The following KRT79 variants were observed in gnomAD, a reference collection of about 807,000 sequenced individuals.
KRT79 encodes the protein keratin 79, also known as keratin, type II cytoskeletal 79.
A neutral mutation model predicts 49.0 loss-of-function variants in KRT79; 51 were observed. That is an observed-to-expected ratio of 1.04 (90% confidence interval 0.83 to 1.31). The LOEUF (loss-of-function observed/expected upper bound fraction) is 1.31, where lower values mean the gene tolerates loss of function less well. KRT79 is among the 40% of genes most tolerant of loss of function. KRT79 has a pLI of 0.00. For missense variants in KRT79, 728 were observed against 688.0 expected (o/e 1.06, Z -0.65); for synonymous variants, 312 against 286.6 (o/e 1.09, Z -0.90).
intron 1 of KRT79, 106 bp downstream of exon 1, chr12:52,833,678 A>G (rs552244397): frequency 6.6e-6 from 6 of 914,708 alleles, no homozygotes; most frequent in South Asian, 4.3e-5. Flanking sequence ...TCTATCAACC[A>G]CCACCCTAGT....
At chr12:52,830,372 C>G in intron 2 of KRT79, 80 bp from the exon 3 acceptor site, 2 of 1,198,282 alleles carry the variant, frequency 1.7e-6, no homozygotes, top group South Asian at 2.4e-5. Flanking sequence ...CTTACAGAAG[C>G]CCTGATGGGT....
intron 4 of KRT79, among the ~76,000 whole-genome samples, chr12:52,828,572 C>T (rs1399114831): frequency 6.6e-6 from 1 of 152,196 alleles, no homozygotes; most frequent in Admixed American, 6.5e-5. Context: ...ACCACAGTGG[C>T]ATTTCATAGG....
intron 2 of KRT79, 146 bp from the exon 3 acceptor site, chr12:52,830,438 G>C: frequency 1.6e-6 from 1 of 643,462 alleles, no homozygotes; most frequent in Non-Finnish European, 2.8e-6. Flanking sequence ...GCCAACCAGT[G>C]AAGAAACATG....
intron 2 of KRT79, 114 bp from the exon 3 acceptor site, chr12:52,830,406 T>C (rs1940235959): frequency 1.2e-6 from 1 of 804,672 alleles, no homozygotes; most frequent in Non-Finnish European, 2.1e-6. Context: ...AGAACACCTC[T>C]GGGGAGCAGT....
Position 52,821,613 on chromosome 12 carries a change from CA to C in KRT79, c.*258del. ...AGAAATTCAGCCTCCTCTCGGTGGT[CA>C]AAAGGTCACCCCCAAGTCACCCAAG... On this transcript the variant is annotated 3_prime_UTR_variant, in exon 9 of 9. Transcript: ENST00000330553. 1 of 494,326 alleles carries C rather than the reference CA, an allele frequency of 2.0e-6. No individual in the cohort carries two copies. The highest frequency in any genetic ancestry group is 3.5e-5 in the Admixed American group (1 of 28,240). 30.6% of individuals were successfully genotyped at this position (494,326 alleles called of 1,614,324 possible). A position where few individuals can be genotyped will look rare whatever the true frequency, so the allele number is the denominator to read the frequency against.
chr12:52,825,869 G>A (rs780474148), intron 4 of KRT79, among the ~76,000 whole-genome samples: 27 of 152,092 alleles, frequency 1.8e-4, no homozygotes, highest in Non-Finnish European at 3.4e-4. Context: ...TCTGTAACAC[G>A]GCCTGATCAT....
At position 52,824,268 on chromosome 12, in the gene KRT79, T is replaced by G. The variant is rs754096310; in HGVS notation, c.950A>C (p.Glu317Ala). 6.2e-7 allele frequency: 1 copy of G among 1,614,228 alleles called. No individual in the cohort carries two copies. The highest frequency in any genetic ancestry group is 1.1e-5 in the South Asian group (1 of 91,082). ...RNLDLDSIIA[E>A]VKAQYELIAQ... is the part of the protein sequence containing the mutation. ...AATCAGCTCATACTGGGCCTTGACC[T>G]CGGCGATGATGCTGTCCAGGTCCAG... Residue 317 changes from glutamate to alanine, a missense_variant, in exon 5 of 9, where the codon GAG (glutamate) becomes GCG (alanine). By Grantham distance (107) the Glu-to-Ala change is moderately radical (BLOSUM62 -1). Coordinates refer to ENST00000330553, the MANE Select transcript of KRT79 (RefSeq NM_175834.3).
At position 52,834,184 on chromosome 12, in the gene KRT79, C is replaced by A. The variant is rs1940302548; in HGVS notation, c.77G>T (p.Gly26Val). ...GCTGAAGCTGGTGCGGGCCTGGGAC[C>A]CACTCCCTCCGCTGGCAGAGTTGGA... ...FSSNSASGGS[G>V]SQARTSFSSV... is the part of the protein sequence containing the mutation. The change falls in exon 1 of 9, where the codon GGG becomes GTG. Residue 26 changes from glycine to valine, a missense_variant. Transcript: ENST00000330553. 6 of 1,613,818 alleles carry A rather than the reference C, an allele frequency of 3.7e-6. No individual in the cohort carries two copies. Among genetic ancestry groups the A allele is most frequent in the Non-Finnish European group, 8.5e-7 (1 of 1,179,976 alleles).
chr12:52,825,419 T>A (rs936169044), intron 4 of KRT79, among the ~76,000 whole-genome samples: 1 of 152,172 alleles, frequency 6.6e-6, no homozygotes, highest in Non-Finnish European at 1.5e-5. Context: ...TCAGGCTCTG[T>A]GTTAGGCATG....
chr12:52,822,131 G>C, intron 8 of KRT79, 54 bp from the exon 9 acceptor site: 1 of 1,566,960 alleles, frequency 6.4e-7, no homozygotes, highest in Non-Finnish European at 8.8e-7. Context: ...AGAGGGCTGG[G>C]GGAGACCCAG....
Position 52,831,575 on chromosome 12 carries a change from G to A in KRT79, c.529C>T (p.Leu177=). 6.2e-7 allele frequency: 1 copy of A among 1,614,260 alleles called. No individual in the cohort carries two copies. Among genetic ancestry groups the A allele is most frequent in the Non-Finnish European group, 8.5e-7 (1 of 1,180,046 alleles). The change falls in exon 2 of 9, where the codon CTG becomes TTG. Residue 177 remains leucine, a synonymous_variant. Transcript: ENST00000330553. ...CCCAAGTTCTGGCCCTGCTCCTGCA[G>A]CAGTGCCCACTTGGTCTCCAGCACC... ...NKVLETKWAL[L]QEQGQNLGVT...
At position 52,823,901 on chromosome 12, in the gene KRT79, C is replaced by T; in HGVS notation, c.1132G>A (p.Ala378Thr). 1 of 1,613,534 alleles carries T rather than the reference C, an allele frequency of 6.2e-7. No individual in the cohort carries two copies. Among genetic ancestry groups the T allele is most frequent in the Non-Finnish European group, 8.5e-7 (1 of 1,179,916 alleles). Residue 378 changes from alanine to threonine, a missense_variant, in exon 6 of 9, where the codon GCA (alanine) becomes ACA (threonine). By Grantham distance (58) the Ala-to-Thr change is moderately conservative. Coordinates refer to ENST00000330553, the MANE Select transcript of KRT79 (RefSeq NM_175834.3). ...TIQRLQGEAD[A>T]AKKQCQQLQT... ...TAGAGTCCCACCTGCTTCTTGGCTG[C>T]ATCAGCCTCCCCCTGCAGCCTCTGG...
At chr12:52,825,379 C>T (rs1238693505) in intron 4 of KRT79, among the ~76,000 whole-genome samples, 2 of 152,198 alleles carry the variant, frequency 1.3e-5, no homozygotes, top group East Asian at 3.8e-4. Context: ...ATAATAATAA[C>T]AACCCTCGCA....
rs79857898 is a variant in KRT79, at chr12:52,824,434, A to G, written c.856-72T>C. The G allele has an allele frequency of 6.8e-4, 1,020 of 1,496,174 alleles. 10 individuals are homozygous for G. The African/African-American group carries it at 0.011, about 17-fold the overall frequency. 92.7% of individuals were successfully genotyped at this position (1,496,174 alleles called of 1,614,324 possible). On this transcript the variant is annotated intron_variant, in intron 4 of 8. Transcript: ENST00000330553. The stretch of plus-strand genomic sequence containing the variant: ...CAGGAAGCATCAGAGGGTGAAGGAC[A>G]TGGGCCCCCAGGTAGCATCAGGAGG...
At chr12:52,829,792 TC>T (rs1940224899) in intron 4 of KRT79, among the ~76,000 whole-genome samples, 1 of 152,066 alleles carries the variant, frequency 6.6e-6, no homozygotes, top group Non-Finnish European at 1.5e-5. Flanking sequence ...TCCCAGCTAC[TC>T]CAGTGGCTAA....
chr12:52,832,780 C>T (rs979034859), intron 1 of KRT79, among the ~76,000 whole-genome samples: 13 of 152,136 alleles, frequency 8.5e-5, no homozygotes, highest in Non-Finnish European at 1.8e-4. Context: ...AGTCCAGGGG[C>T]CTGGGTCCCA....
intron 1 of KRT79, among the ~76,000 whole-genome samples, chr12:52,833,121 C>T (rs948012929): frequency 1.3e-5 from 2 of 152,200 alleles, no homozygotes; most frequent in African/African-American, 4.8e-5. Flanking sequence ...AGGTTCAGGG[C>T]ATGCCTATGG....
intron 4 of KRT79, among the ~76,000 whole-genome samples, chr12:52,826,926 C>T (rs529585343): frequency 3.3e-5 from 5 of 152,208 alleles, no homozygotes; most frequent in Admixed American, 6.5e-5. Context: ...CTTGTTCTCA[C>T]CCCACGGAGG....
intron 4 of KRT79, among the ~76,000 whole-genome samples, chr12:52,828,539 A>T (rs1162048544): frequency 1.3e-5 from 2 of 152,246 alleles, no homozygotes; most frequent in Non-Finnish European, 2.9e-5. Flanking sequence ...AAGAGCCCAC[A>T]TAGCTTAAAA....
Sources: allele counts gnomAD v4.1 joint callset (sites outside exome capture counted in the v4.1 genomes callset), GRCh38; gene constraint gnomAD v4.1.1; transcripts MANE v1.5; gene names NCBI Gene and HGNC (gene_info 2026-07-23, HGNC 2026-07-21).